ZC3HAV1: variants seen among roughly 807,000 people sequenced by gnomAD.
ZC3HAV1 encodes zinc finger CCCH-type containing, antiviral 1.
In ZC3HAV1, 41 loss-of-function variants were observed where a neutral mutation model predicts 86.6. The ratio of observed to expected loss-of-function variants is 0.47; its 90% CI spans 0.37 to 0.61. The LOEUF (loss-of-function observed/expected upper bound fraction) is 0.61, where lower values mean the gene tolerates loss of function less well. Ranked by LOEUF, ZC3HAV1 falls within the 20% of genes least tolerant of loss-of-function variation. The pLI, the probability that ZC3HAV1 is intolerant of heterozygous loss-of-function variation, is 0.00. For missense variants in ZC3HAV1, 964 were observed against 1,141.1 expected (o/e 0.84, Z 2.24); for synonymous variants, 421 against 432.1 (o/e 0.97, Z 0.32).
intron 1 of ZC3HAV1, among the ~76,000 whole-genome samples, chr7:139,102,314 T>C (rs138040534): frequency 2.6e-5 from 4 of 152,088 alleles, no homozygotes; most frequent in South Asian, 4.1e-4. Flanking sequence ...TATTTTTTAA[T>C]GTTTTTGTAG....
Position 139,047,578 on chromosome 7 carries a change from G to C in ZC3HAV1, c.*16C>G, listed in dbSNP as rs200145357. ...AGAATGGTTATGGCATCCTTCTGAC[G>C]CTGTATTCATCGGTTCTAACTAATC... On this transcript the variant is annotated 3_prime_UTR_variant, in exon 13 of 13. Transcript: ENST00000242351. The C allele has an allele frequency of 8.7e-6, 14 of 1,613,540 alleles. No individual in the cohort carries two copies. Among genetic ancestry groups the C allele is most frequent in the African/African-American group, 1.3e-5 (1 of 74,890 alleles).
chr7:139,057,394 T>C (rs1816316643), intron 9 of ZC3HAV1, among the ~76,000 whole-genome samples: 1 of 152,036 alleles, frequency 6.6e-6, no homozygotes. Context: ...GTAGTAACAA[T>C]ATTGTTACCA....
chr7:139,097,418 ATATATATATAT>A (rs1817627274), intron 1 of ZC3HAV1, among the ~76,000 whole-genome samples: 2 of 78,512 alleles, frequency 2.5e-5, no homozygotes, highest in South Asian at 5.3e-4. Flanking sequence ...ATATATATAT[ATATATATATAT>A]TTTTTTTTTT....
chr7:139,101,138 C>G (rs1817747648), intron 1 of ZC3HAV1, among the ~76,000 whole-genome samples: 1 of 152,172 alleles, frequency 6.6e-6, no homozygotes, highest in Non-Finnish European at 1.5e-5. Context: ...GTCTTGCTCA[C>G]TCAGTGCTCA....
rs1389090537 is a variant in ZC3HAV1, at chr7:139,074,079, T to G, written c.1698-49A>C. The G allele has an allele frequency of 5.2e-6, 8 of 1,552,768 alleles. 1 individual carries two copies. Among genetic ancestry groups the G allele is most frequent in the Middle Eastern group, 1.7e-4 (1 of 5,730 alleles). On this transcript the variant is annotated intron_variant, in intron 6 of 12. Coordinates refer to ENST00000242351, the MANE Select transcript of ZC3HAV1 (RefSeq NM_020119.4). ...AACATAATGCTTCATTGACCCCTGT[T>G]TTCTACAATCTCGTCTTCCCTAATG...
intron 9 of ZC3HAV1, among the ~76,000 whole-genome samples, chr7:139,059,133 A>G (rs141595629): frequency 2.1e-3 from 326 of 152,312 alleles, no homozygotes; most frequent in South Asian, 3.9e-3. Flanking sequence ...GATCTCATTC[A>G]TTGGCTGAAT....
Position 139,055,303 on chromosome 7 carries a change from TAA to T in ZC3HAV1, c.2097-10_2097-9del, listed in dbSNP as rs769070001. 1.5e-5 allele frequency: 24 copies of T among 1,609,740 alleles called. No individual in the cohort carries two copies. Among genetic ancestry groups the T allele is most frequent in the Non-Finnish European group, 2.0e-5 (23 of 1,176,802 alleles). On this transcript the variant is annotated splice_polypyrimidine_tract_variant and intron_variant, in intron 9 of 12. Transcript: ENST00000242351. The stretch of plus-strand genomic sequence containing the variant: ...GTCTTTGCTGGCTGATGGCTACAAA[TAA>T]AGAGAAAGAATTCACTTAACTCTCT...
intron 1 of ZC3HAV1, among the ~76,000 whole-genome samples, chr7:139,107,284 A>G (rs1345969151): frequency 6.6e-6 from 1 of 152,224 alleles, no homozygotes; most frequent in Non-Finnish European, 1.5e-5. Flanking sequence ...ACAACCTTCA[A>G]ATTGTTGCCC....
intron 7 of ZC3HAV1, among the ~76,000 whole-genome samples, chr7:139,069,424 C>G (rs1467400225): frequency 6.6e-6 from 1 of 152,156 alleles, no homozygotes; most frequent in African/African-American, 2.4e-5. Context: ...GTCTCTCAGG[C>G]CATAGCCTCC....
intron 10 of ZC3HAV1, among the ~76,000 whole-genome samples, chr7:139,054,596 T>C (rs1816226876): frequency 6.6e-6 from 1 of 152,222 alleles, no homozygotes; most frequent in Middle Eastern, 3.2e-3. Flanking sequence ...AGTTTTCTTG[T>C]CCATAAAATA....
intron 8 of ZC3HAV1, among the ~76,000 whole-genome samples, chr7:139,061,503 G>A (rs1307415362): frequency 1.3e-5 from 2 of 152,232 alleles, no homozygotes; most frequent in Admixed American, 1.3e-4. Context: ...CTGTCTTGAA[G>A]GGTTCTTTTC....
Position 139,061,072 on chromosome 7 carries a change from G to A in ZC3HAV1, c.2060C>T (p.Pro687Leu), listed in dbSNP as rs1239431652. ...CTTCATCTGCTGCACATACCACTGA[G>A]GCACAAATGTTGGTCTTCTGATGAC... Reference protein sequence around the residue: ...KDVIRRPTFVPQWYVQQMKRG... With the variant: ...KDVIRRPTFVLQWYVQQMKRG... Residue 687 changes from proline to leucine, a missense_variant, in exon 9 of 13, where the codon CCT becomes CTT. Transcript: ENST00000242351. 1 of 1,613,576 alleles carries A rather than the reference G, an allele frequency of 6.2e-7. No individual in the cohort carries two copies. The highest frequency in any genetic ancestry group is 1.3e-5 in the African/African-American group (1 of 74,794).
chr7:139,050,875 C>G (rs1816100961), intron 12 of ZC3HAV1, among the ~76,000 whole-genome samples: 1 of 152,152 alleles, frequency 6.6e-6, no homozygotes, highest in African/African-American at 2.4e-5. Flanking sequence ...AATTCATTCC[C>G]CAGCTTAAAA....
At position 139,109,086 on chromosome 7, in the gene ZC3HAV1, G is replaced by T. The variant is rs1694566567; in HGVS notation, c.246C>A (p.Cys82Ter). 6.3e-7 allele frequency: 1 copy of T among 1,592,612 alleles called. No individual in the cohort carries two copies. The highest frequency in any genetic ancestry group is 8.6e-7 in the Non-Finnish European group (1 of 1,168,440). The part of the protein sequence containing the change: ...VCRRKYCQRP[C>*]DNLHLCKLNL... ...TGAGTTTGCAGAGATGCAGGTTATC[G>T]CAGGGTCTCTGGCAGTACTTGCGAC... is the stretch of plus-strand genomic sequence containing the variant. The change falls in exon 1 of 13, where the codon TGC (cysteine) becomes TGA (stop). Residue 82 changes from cysteine to a stop codon, truncating the protein, a stop_gained. Coordinates refer to ENST00000242351, the MANE Select transcript of ZC3HAV1 (RefSeq NM_020119.4). LOFTEE classifies it high-confidence loss of function.
At chr7:139,063,909 A>G (rs1816523105) in intron 8 of ZC3HAV1, among the ~76,000 whole-genome samples, 1 of 152,120 alleles carries the variant, frequency 6.6e-6, no homozygotes, top group Admixed American at 6.5e-5. Flanking sequence ...TTAGTACTAT[A>G]GGTACTGGTT....
intron 3 of ZC3HAV1, among the ~76,000 whole-genome samples, chr7:139,080,820 A>T (rs1817106620): frequency 6.6e-6 from 1 of 152,200 alleles, no homozygotes; most frequent in Admixed American, 6.5e-5. Flanking sequence ...AAATCAGAGA[A>T]GATTTTCCAG....
chr7:139,066,621 G>T (rs1208887507), intron 7 of ZC3HAV1, among the ~76,000 whole-genome samples: 3 of 152,192 alleles, frequency 2.0e-5, no homozygotes, highest in African/African-American at 7.2e-5. Context: ...CTATCAGAGT[G>T]ATTGTAAAAG....
intron 3 of ZC3HAV1, among the ~76,000 whole-genome samples, chr7:139,082,652 A>G (rs1327644335): frequency 6.6e-6 from 1 of 152,196 alleles, no homozygotes; most frequent in Admixed American, 6.5e-5. Context: ...ATACAATGAA[A>G]TATTCATTCT....
At position 139,084,031 on chromosome 7, in the gene ZC3HAV1, A is replaced by T; in HGVS notation, c.446T>A (p.Ile149Lys). ...LQSDPFFMPE[I>K]CKSYKGEGRQ... ...ACCCTCTCCCTTATAACTTTTGCAT[A>T]TCTACAGAAGGGAGAAACAACAGCC... Residue 149 changes from isoleucine (I) to lysine (K), a missense_variant and splice_region_variant, in exon 3 of 13, where the codon ATA (isoleucine) becomes AAA (lysine). By Grantham distance (102) the Ile-to-Lys change is moderately radical (BLOSUM62 -3). Coordinates refer to ENST00000242351, the MANE Select transcript of ZC3HAV1 (RefSeq NM_020119.4). 1 of 1,613,456 alleles carries T rather than the reference A, an allele frequency of 6.2e-7. No homozygotes were observed. Among genetic ancestry groups the T allele is most frequent in the Non-Finnish European group, 8.5e-7 (1 of 1,179,524 alleles).
Sources: allele counts gnomAD v4.1 joint callset (sites outside exome capture counted in the v4.1 genomes callset), GRCh38; gene constraint gnomAD v4.1.1; transcripts MANE v1.5; gene names NCBI Gene and HGNC (gene_info 2026-07-23, HGNC 2026-07-21).